KLKB1: variants seen among roughly 807,000 people sequenced by gnomAD.
KLKB1 encodes the protein plasma kallikrein.
A neutral mutation model predicts 73.6 loss-of-function variants in KLKB1; 58 were observed. The observed-to-expected ratio is 0.79, with a 90% CI of 0.64 to 0.98. The LOEUF (loss-of-function observed/expected upper bound fraction) is 0.98, where lower values mean the gene tolerates loss of function less well. KLKB1 is among the 50% of genes least tolerant of loss of function. The probability of loss-of-function intolerance (pLI) is 0.00; values close to 1 mark genes in which losing one functional copy is unlikely to be tolerated. For missense variants in KLKB1, 737 were observed against 763.8 expected (o/e 0.96, Z 0.41); for synonymous variants, 280 against 258.1 (o/e 1.08, Z -0.81).
intron 6 of KLKB1, among the ~76,000 whole-genome samples, chr4:186,239,469 T>C (rs1361289015): frequency 1.5e-5 from 2 of 129,218 alleles, no homozygotes; most frequent in African/African-American, 6.4e-5. Context: ...GATATTGTTA[T>C]AGTTATAGGA....
At chr4:186,254,794 A>G (rs1483308597) in intron 12 of KLKB1, 31 bp downstream of exon 12, 1 of 1,567,006 alleles carries the variant, frequency 6.4e-7, no homozygotes, top group Non-Finnish European at 8.8e-7. Context: ...GGTGGAGAGC[A>G]GAATTGCGCT....
intron 6 of KLKB1, among the ~76,000 whole-genome samples, chr4:186,240,134 ATAGT>A (rs1349829292): frequency 8.2e-6 from 1 of 121,874 alleles, no homozygotes; most frequent in Non-Finnish European, 1.9e-5. Context: ...TGATACTGTT[ATAGT>A]TATAGGACAG....
At chr4:186,212,290 T>A (rs888691358) in intron 2 of KLKB1, 2 of 152,190 alleles carry the variant, frequency 1.3e-5, no homozygotes, top group African/African-American at 2.4e-5. Flanking sequence ...GATTCTTCCA[T>A]CTTTAAAGGA....
chr4:186,216,871 A>G (rs1038116657), intron 2 of KLKB1, among the ~76,000 whole-genome samples: 1 of 152,196 alleles, frequency 6.6e-6, no homozygotes, highest in African/African-American at 2.4e-5. Context: ...GGGCTCATGT[A>G]ATAAGATTTG....
intron 8 of KLKB1, 78 bp from the exon 9 acceptor site, chr4:186,251,409 C>T (rs1738666928): frequency 6.5e-7 from 1 of 1,530,850 alleles, no homozygotes; most frequent in African/African-American, 1.4e-5. Flanking sequence ...AAACAATCCT[C>T]AAGGTAACAG....
At position 186,256,066 on chromosome 4, in the gene KLKB1, T is replaced by C; in HGVS notation, c.1564T>C (p.Trp522Arg). The C allele has an allele frequency of 6.2e-7, 1 of 1,610,334 alleles. No homozygotes were observed. The highest frequency in any genetic ancestry group is 1.1e-5 in the South Asian group (1 of 90,992). ...TIYTNCWVTGWGFSKEKGEIQ... is the reference protein window; with the variant it reads ...TIYTNCWVTGRGFSKEKGEIQ... ...TTATACCAACTGTTGGGTAACCGGA[T>C]GGGGCTTCTCGAAGGAGAAAGGTAA... Residue 522 changes from tryptophan to arginine, a missense_variant, in exon 13 of 15, where the codon TGG becomes CGG. Coordinates refer to ENST00000264690, the MANE Select transcript of KLKB1 (RefSeq NM_000892.5).
chr4:186,218,824 C>T (rs999762639), intron 2 of KLKB1, among the ~76,000 whole-genome samples: 4 of 152,140 alleles, frequency 2.6e-5, no homozygotes, highest in Non-Finnish European at 5.9e-5. Flanking sequence ...AGAGTATTGA[C>T]TCACACGATC....
At chr4:186,244,801 T>TA (rs1208904137) in intron 6 of KLKB1, among the ~76,000 whole-genome samples, 2 of 152,206 alleles carry the variant, frequency 1.3e-5, no homozygotes, top group Non-Finnish European at 2.9e-5. Flanking sequence ...GGCCACGCTG[T>TA]AACAGGTGAG....
upstream of KLKB1, among the ~76,000 whole-genome samples, chr4:186,225,740 C>A (rs1188605663): frequency 6.6e-6 from 1 of 152,030 alleles, no homozygotes; most frequent in African/African-American, 2.4e-5. Flanking sequence ...GGCCGAGGAT[C>A]TCTTTATATT....
At position 186,250,298 on chromosome 4, in the gene KLKB1, G is replaced by A. The variant is rs749906170; in HGVS notation, c.654G>A (p.Arg218=). ...CGTTCTCAGATGTGGATGTTGCCAG[G>A]GTTCTCACTCCAGATGCTTTTGTGT... The part of the protein sequence containing the change: ...HLAFSDVDVA[R]VLTPDAFVCR... Residue 218 remains arginine (R), a synonymous_variant, in exon 7 of 15, where the codon AGG becomes AGA. Transcript: ENST00000264690. The A allele has an allele frequency of 1.9e-5, 31 of 1,613,954 alleles. No homozygotes were observed. The Admixed American group carries it at 4.2e-4, about 22-fold the overall frequency.
chr4:186,247,292 C>T lies in KLKB1; in HGVS notation c.599-2951C>T, dbSNP rs568992801. Among the ~76,000 whole-genome samples the T allele has an allele frequency of 5.3e-5, 8 of 152,104 alleles. No individual in the cohort carries two copies. The South Asian group carries it at 8.3e-4, about 16-fold the overall frequency. On this transcript the variant is annotated intron_variant, in intron 6 of 14. Coordinates refer to ENST00000264690, the MANE Select transcript of KLKB1 (RefSeq NM_000892.5). ...AGAAAGCTTTTTAATCACCTGGGTG[C>T]AGGCGGGCTGAGTCCAAAAAGAGAG...
chr4:186,216,073 A>G (rs1166563107), intron 2 of KLKB1, among the ~76,000 whole-genome samples: 1 of 152,212 alleles, frequency 6.6e-6, no homozygotes, highest in Non-Finnish European at 1.5e-5. Flanking sequence ...ACCAATCAGA[A>G]TTCATCCAAC....
rs750920575 is a variant in KLKB1, at chr4:186,236,959, G to A, written c.488+19G>A. ...AGTACCGGTGAGTACAATTCAAGGT[G>A]TGTGTTCTTTGTATTGGTGCCTCCA... On this transcript the variant is annotated intron_variant, in intron 5 of 14. Transcript: ENST00000264690. The A allele has an allele frequency of 2.5e-6, 4 of 1,613,484 alleles. No homozygotes were observed. Among genetic ancestry groups the A allele is most frequent in the Admixed American group, 1.7e-5 (1 of 60,002 alleles).
chr4:186,248,834 A>G (rs1167186521), intron 6 of KLKB1, among the ~76,000 whole-genome samples: 2 of 152,036 alleles, frequency 1.3e-5, no homozygotes, highest in Non-Finnish European at 2.9e-5. Context: ...CCTTAACAAC[A>G]CTTGTTATTG....
At chr4:186,247,933 A>G (rs1427578654) in intron 6 of KLKB1, among the ~76,000 whole-genome samples, 1 of 152,192 alleles carries the variant, frequency 6.6e-6, no homozygotes, top group African/African-American at 2.4e-5. Flanking sequence ...GTTCCAGAAC[A>G]TTTTTATCAC....
chr4:186,235,202 A>G (rs2126635362), intron 4 of KLKB1, among the ~76,000 whole-genome samples: 1 of 152,342 alleles, frequency 6.6e-6, no homozygotes, highest in African/African-American at 2.4e-5. Flanking sequence ...CCAATTTGGT[A>G]TAAATTATTC....
In KLKB1 at chr4:186,252,055, A is replaced by G. The variant is rs1738707687; in HGVS notation, c.1183A>G (p.Thr395Ala). 1.2e-6 allele frequency: 2 copies of G among 1,614,184 alleles called. No individual in the cohort carries two copies. The highest frequency in any genetic ancestry group is 1.7e-6 in the Non-Finnish European group (2 of 1,180,042). ...TKTSTRIVGG[T>A]NSSWGEWPWQ... ...AACAAGCACACGCATTGTTGGAGGA[A>G]CAAACTCTTCTTGGGGAGAGTGGCC... Residue 395 changes from threonine to alanine, a missense_variant, in exon 11 of 15, where the codon ACA (threonine) becomes GCA (alanine). Thr to Ala is a moderately conservative substitution (Grantham distance 58, BLOSUM62 0). Coordinates refer to ENST00000264690, the MANE Select transcript of KLKB1 (RefSeq NM_000892.5).
chr4:186,228,321 C>A, intron 2 of KLKB1, 68 bp downstream of exon 2: 1 of 961,830 alleles, frequency 1.0e-6, no homozygotes, highest in Non-Finnish European at 1.7e-6. Flanking sequence ...GTGGCACCAC[C>A]CCTGGAGAAA....
At chr4:186,240,189 G>C (rs776035256) in intron 6 of KLKB1, among the ~76,000 whole-genome samples, 50 of 151,880 alleles carry the variant, frequency 3.3e-4, no homozygotes, top group Non-Finnish European at 5.9e-5. Flanking sequence ...ATAGTTAAAG[G>C]TACAGTGATA....
Sources: allele counts gnomAD v4.1 joint callset (sites outside exome capture counted in the v4.1 genomes callset), GRCh38; gene constraint gnomAD v4.1.1; transcripts MANE v1.5; gene names NCBI Gene and HGNC (gene_info 2026-07-23, HGNC 2026-07-21).